The following METAP1 variants were observed in gnomAD, a reference collection of about 807,000 sequenced individuals.
The protein encoded by METAP1 is methionyl aminopeptidase 1.
METAP1 carries 28 observed loss-of-function variants against 53.8 expected under a neutral mutation model. That is an observed-to-expected ratio of 0.52 (90% CI 0.39 to 0.71). The LOEUF (loss-of-function observed/expected upper bound fraction) is 0.71, where lower values mean the gene tolerates loss of function less well. Among genes scored for constraint, METAP1 ranks in the 30% least tolerant of loss-of-function variants. The probability of loss-of-function intolerance (pLI) is 0.00; values close to 1 mark genes in which losing one functional copy is unlikely to be tolerated. For synonymous variants in METAP1, 181 were observed against 165.7 expected, an observed-to-expected ratio of 1.09 and a Z score of -0.71; for missense variants, 389 against 479.8, an observed-to-expected ratio of 0.81 and a Z score of 1.77.
chr4:99,044,147 T>TC (rs1215387542), intron 7 of METAP1, among the ~76,000 whole-genome samples: 1 of 152,138 alleles, frequency 6.6e-6, no homozygotes, highest in African/African-American at 2.4e-5. Flanking sequence ...CAGGCTGGTC[T>TC]CAAACTCCTG....
At chr4:99,005,136 G>C (rs1300195359) in intron 1 of METAP1, among the ~76,000 whole-genome samples, 1 of 151,844 alleles carries the variant, frequency 6.6e-6, no homozygotes, top group Admixed American at 6.6e-5. Flanking sequence ...AAATAATTGG[G>C]ACATAATTAA....
intron 4 of METAP1, among the ~76,000 whole-genome samples, chr4:99,038,125 G>C (rs1318223409): frequency 6.6e-6 from 1 of 151,844 alleles, no homozygotes; most frequent in Non-Finnish European, 1.5e-5. Context: ...TATTGATTTT[G>C]ATAAATTTAT....
At chr4:99,048,661 C>T in intron 8 of METAP1, 72 bp from the exon 9 acceptor site, 1 of 1,488,024 alleles carries the variant, frequency 6.7e-7, no homozygotes, top group Non-Finnish European at 9.3e-7. Context: ...TGAGCCACTG[C>T]ATCTGGTTGA....
intron 8 of METAP1, among the ~76,000 whole-genome samples, chr4:99,047,048 G>GA (rs1316404624): frequency 6.6e-6 from 1 of 151,990 alleles, no homozygotes; most frequent in Non-Finnish European, 1.5e-5. Flanking sequence ...AGCCAGGAAG[G>GA]AACGAAAGTG....
chr4:99,022,650 A>G (rs904475119), intron 1 of METAP1: 2 of 1,043,668 alleles, frequency 1.9e-6, no homozygotes, highest in African/African-American at 3.2e-5. Context: ...TGGCGCTCAA[A>G]GGCAAGGTGC....
intron 10 of METAP1, among the ~76,000 whole-genome samples, chr4:99,059,263 T>G (rs1727371175): frequency 6.6e-6 from 1 of 152,106 alleles, no homozygotes; most frequent in African/African-American, 2.4e-5. Flanking sequence ...AATAGCCAAA[T>G]AAGTTTGACT....
In METAP1 at chr4:99,046,954, A is replaced by G. The variant is rs1042750706; in HGVS notation, c.787+1644A>G. Among the ~76,000 whole-genome samples, 10 of 146,940 alleles carry G rather than the reference A, an allele frequency of 6.8e-5. No homozygotes were observed. The Middle Eastern group carries it at 0.014, about 203-fold the overall frequency. The stretch of plus-strand genomic sequence containing the variant: ...GAAGAAACAAAAAAAAAAAAAAAAA[A>G]AAAAGAAAAAGAAAAAACCAGATAG... On this transcript the variant is annotated intron_variant, in intron 8 of 10. Transcript: ENST00000296411.
chr4:99,060,596 C>T (rs895940755), intron 10 of METAP1, among the ~76,000 whole-genome samples: 1 of 152,106 alleles, frequency 6.6e-6, no homozygotes, highest in Non-Finnish European at 1.5e-5. Context: ...ATCTCCTGAC[C>T]TTGTGATCTG....
intron 2 of METAP1, among the ~76,000 whole-genome samples, chr4:99,032,268 C>T (rs1245186740): frequency 6.6e-6 from 1 of 150,994 alleles, no homozygotes; most frequent in Non-Finnish European, 1.5e-5. Context: ...TCCTCTGTTG[C>T]CCAGGCTGGA....
chr4:99,015,775 C>T (rs1254532247), intron 1 of METAP1, among the ~76,000 whole-genome samples: 1 of 152,120 alleles, frequency 6.6e-6, no homozygotes, highest in African/African-American at 2.4e-5. Context: ...ACTAGACAAG[C>T]ATCAAAGGAT....
chr4:99,041,829 C>A (rs1326117952), intron 6 of METAP1, among the ~76,000 whole-genome samples: 1 of 150,810 alleles, frequency 6.6e-6, no homozygotes, highest in Admixed American at 6.6e-5. Context: ...TTGGAAGAAC[C>A]CTTTTGGAAG....
intron 1 of METAP1, among the ~76,000 whole-genome samples, chr4:99,000,247 GTC>G (rs1722856541): frequency 6.6e-6 from 1 of 152,194 alleles, no homozygotes; most frequent in Admixed American, 6.5e-5. Flanking sequence ...GGCAGTTGCT[GTC>G]TCCTCTGGTT....
chr4:98,995,896 C>T (rs1001029567), intron 1 of METAP1, 29 bp downstream of exon 1: 2 of 1,505,280 alleles, frequency 1.3e-6, no homozygotes, highest in Non-Finnish European at 9.0e-7. Flanking sequence ...GCGGATATGC[C>T]GCCGCTGCGG....
chr4:99,028,144 ATGTC>A (rs1217832573), intron 1 of METAP1, among the ~76,000 whole-genome samples: 1 of 152,144 alleles, frequency 6.6e-6, no homozygotes, highest in African/African-American at 2.4e-5. Context: ...AATAAAGTCT[ATGTC>A]TGTTTGAATT....
At chr4:99,059,028 G>A (rs1482993560) in intron 10 of METAP1, among the ~76,000 whole-genome samples, 3 of 152,212 alleles carry the variant, frequency 2.0e-5, no homozygotes, top group Admixed American at 2.0e-4. Flanking sequence ...ATTTAGCAGT[G>A]AAAAGAAAGA....
chr4:99,030,632 C>G (rs1263683533), intron 2 of METAP1, among the ~76,000 whole-genome samples: 1 of 152,006 alleles, frequency 6.6e-6, no homozygotes, highest in African/African-American at 2.4e-5. Context: ...TCTCCAGAGA[C>G]AAGAAGAGTA....
chr4:99,046,936 C>CAAAAAAAAAAAAA (rs56702946), intron 8 of METAP1, among the ~76,000 whole-genome samples: 340 of 82,046 alleles, frequency 4.1e-3, no homozygotes, highest in Middle Eastern at 8.5e-3. Context: ...ACTGAAGAAA[C>CAAAAAAAAAAAAA]AAAAAAAAAA....
chr4:99,022,813 C>T, intron 1 of METAP1: 1 of 1,591,846 alleles, frequency 6.3e-7, no homozygotes. Context: ...CCACCCATCC[C>T]TCTGTGTAGT....
intron 1 of METAP1, chr4:99,025,419 ACT>A: frequency 1.0e-6 from 1 of 982,792 alleles, no homozygotes; most frequent in Non-Finnish European, 1.2e-6. Context: ...CTTAACTCTG[ACT>A]CTTTTCAGTG....
Sources: gnomAD v4.1 joint callset for allele counts (sites outside exome capture counted in the v4.1 genomes callset) on GRCh38, gnomAD v4.1.1 for gene constraint, MANE v1.5 for transcripts, NCBI Gene and HGNC (gene_info 2026-07-23, HGNC 2026-07-21) for gene names.